CRPPA: variants seen among roughly 807,000 people sequenced by gnomAD.
The protein encoded by CRPPA is CDP-L-ribitol pyrophosphorylase A, also known as D-ribitol-5-phosphate cytidylyltransferase.
A neutral mutation model predicts 52.0 loss-of-function variants in CRPPA; 43 were observed. The ratio of observed to expected loss-of-function variants is 0.83; its 90% confidence interval spans 0.65 to 1.07. CRPPA has a LOEUF of 1.07. Ranked by LOEUF, CRPPA falls within the 50% of genes least tolerant of loss-of-function variation. The pLI, the probability that CRPPA is intolerant of heterozygous loss-of-function variation, is 0.00. For synonymous variants in CRPPA, 250 were observed against 203.5 expected (o/e 1.23, Z -1.94); for missense variants, 629 against 551.7 (o/e 1.14, Z -1.40).
intron 3 of CRPPA, among the ~76,000 whole-genome samples, chr7:16,358,093 T>C (rs1249544148): frequency 1.3e-5 from 2 of 151,496 alleles, no homozygotes; most frequent in Non-Finnish European, 2.9e-5. Flanking sequence ...TGCAGGAAAA[T>C]CTCCATGAGG....
intron 9 of CRPPA, among the ~76,000 whole-genome samples, chr7:16,124,876 T>A (rs202064811): frequency 2.5e-4 from 36 of 146,220 alleles, no homozygotes; most frequent in Non-Finnish European, 4.5e-4. Context: ...AATAAAAAAA[T>A]ATATATAATC....
chr7:16,310,718 A>G (rs1340105711), intron 3 of CRPPA, among the ~76,000 whole-genome samples: 1 of 152,158 alleles, frequency 6.6e-6, no homozygotes, highest in Admixed American at 6.5e-5. Flanking sequence ...AAAGATGAAC[A>G]ACATTGAATT....
intron 5 of CRPPA, among the ~76,000 whole-genome samples, chr7:16,300,880 C>A (rs1455259461): frequency 6.6e-6 from 1 of 152,130 alleles, no homozygotes; most frequent in Non-Finnish European, 1.5e-5. Flanking sequence ...TAGCTGGGAT[C>A]TTTGAGTCGG....
chr7:16,399,587 A>C (rs1213117653), intron 2 of CRPPA, among the ~76,000 whole-genome samples: 1 of 151,972 alleles, frequency 6.6e-6, no homozygotes, highest in South Asian at 2.1e-4. Context: ...GTGACAAGCG[A>C]CTTACACGAT....
chr7:16,158,804 G>A (rs1377555419), intron 9 of CRPPA, among the ~76,000 whole-genome samples: 1 of 152,104 alleles, frequency 6.6e-6, no homozygotes, highest in Non-Finnish European at 1.5e-5. Flanking sequence ...AACAGTAAAG[G>A]GTGGTTGAGA....
At chr7:16,248,670 C>T (rs1463952743) in intron 8 of CRPPA, among the ~76,000 whole-genome samples, 1 of 152,180 alleles carries the variant, frequency 6.6e-6, no homozygotes, top group African/African-American at 2.4e-5. Flanking sequence ...GTGATTTCTG[C>T]ACTTCCAACT....
chr7:16,239,401 C>T (rs1402795204), intron 8 of CRPPA, among the ~76,000 whole-genome samples: 1 of 151,582 alleles, frequency 6.6e-6, no homozygotes, highest in African/African-American at 2.4e-5. Flanking sequence ...AAAAGGCATA[C>T]TTAAATTGCA....
intron 9 of CRPPA, among the ~76,000 whole-genome samples, chr7:16,135,603 A>T (rs1259575735): frequency 6.6e-6 from 1 of 152,208 alleles, no homozygotes; most frequent in Admixed American, 6.5e-5. Flanking sequence ...AAAAAAGAAA[A>T]ATTATGCTTA....
intron 9 of CRPPA, among the ~76,000 whole-genome samples, chr7:16,112,086 G>A (rs537386713): frequency 5.9e-5 from 9 of 152,158 alleles, no homozygotes; most frequent in Admixed American, 3.3e-4. Context: ...AGGCTAAGGC[G>A]GGAAGATTGC....
intron 8 of CRPPA, among the ~76,000 whole-genome samples, chr7:16,222,867 T>G (rs919771363): frequency 6.6e-6 from 1 of 152,200 alleles, no homozygotes; most frequent in African/African-American, 2.4e-5. Context: ...TTTTGTTACA[T>G]GCATAGAATG....
chr7:16,399,850 C>T (rs370926364), intron 2 of CRPPA, among the ~76,000 whole-genome samples: 3 of 152,064 alleles, frequency 2.0e-5, no homozygotes, highest in African/African-American at 7.2e-5. Flanking sequence ...ACATGACAGA[C>T]ACCTGATTGA....
intron 8 of CRPPA, among the ~76,000 whole-genome samples, chr7:16,225,098 C>T (rs1782613807): frequency 6.6e-6 from 1 of 151,834 alleles, no homozygotes; most frequent in African/African-American, 2.4e-5. Flanking sequence ...AAAACATTAA[C>T]CATACAAAAT....
chr7:16,404,840 G>A (rs532181202), intron 2 of CRPPA, among the ~76,000 whole-genome samples: 3 of 152,294 alleles, frequency 2.0e-5, no homozygotes, highest in Admixed American at 1.3e-4. Context: ...CAAGGGGGAA[G>A]CACAAGATCC....
Position 16,089,723 on chromosome 7 carries a change from C to T in CRPPA, c.*1972G>A, listed in dbSNP as rs1291731469. 1 of 194,962 alleles carries T rather than the reference C, an allele frequency of 5.1e-6. No homozygotes were observed. The highest frequency in any genetic ancestry group is 1.1e-5 in the Non-Finnish European group (1 of 90,006). The allele number at this position is 194,962 out of a possible 1,614,324, so 12.1% of individuals were successfully genotyped here. ...CAGGCACAACTTAATATTTTATTAACTAAATTATACTAAATGTTACCAGTT... is the reference window on the plus strand; with the variant it reads ...CAGGCACAACTTAATATTTTATTAATTAAATTATACTAAATGTTACCAGTT... On this transcript the variant is annotated 3_prime_UTR_variant, in exon 10 of 10. Coordinates refer to ENST00000407010, the MANE Select transcript of CRPPA (RefSeq NM_001101426.4).
At chr7:16,397,639 G>A (rs1024519242) in intron 2 of CRPPA, among the ~76,000 whole-genome samples, 3 of 152,146 alleles carry the variant, frequency 2.0e-5, no homozygotes, top group African/African-American at 7.2e-5. Flanking sequence ...TGTGTGACAC[G>A]TGACACATGA....
At chr7:16,398,643 C>A (rs1393163090) in intron 2 of CRPPA, among the ~76,000 whole-genome samples, 1 of 152,130 alleles carries the variant, frequency 6.6e-6, no homozygotes, top group South Asian at 2.1e-4. Context: ...ACGTGACAAA[C>A]ATCACTGAAA....
chr7:16,416,602 A>T (rs1213519280), intron 1 of CRPPA, among the ~76,000 whole-genome samples: 1 of 152,116 alleles, frequency 6.6e-6, no homozygotes, highest in Non-Finnish European at 1.5e-5. Context: ...TGGGAGGCCG[A>T]CGCAGGTGGA....
intron 5 of CRPPA, among the ~76,000 whole-genome samples, chr7:16,290,271 T>C (rs1784532804): frequency 6.6e-6 from 1 of 151,764 alleles, no homozygotes; most frequent in African/African-American, 2.4e-5. Context: ...ATACCAATGA[T>C]ATCCTTCACA....
intron 8 of CRPPA, among the ~76,000 whole-genome samples, chr7:16,223,838 G>A (rs1782581936): frequency 6.6e-6 from 1 of 152,078 alleles, no homozygotes; most frequent in Admixed American, 6.6e-5. Context: ...ATTTCATATA[G>A]GTTGAGTACT....
Sources: gnomAD v4.1 joint callset for allele counts (sites outside exome capture counted in the v4.1 genomes callset) on GRCh38, gnomAD v4.1.1 for gene constraint, MANE v1.5 for transcripts, NCBI Gene and HGNC (gene_info 2026-07-23, HGNC 2026-07-21) for gene names.